ADAMTS6: variants seen among roughly 807,000 people sequenced by gnomAD.
ADAMTS6 encodes the protein ADAM metallopeptidase with thrombospondin type 1 motif 6.
A neutral mutation model predicts 144.3 loss-of-function variants in ADAMTS6; 23 were observed. The ratio of observed to expected loss-of-function variants is 0.16; its 90% CI spans 0.11 to 0.23. The LOEUF is 0.23. Among genes scored for constraint, ADAMTS6 ranks in the 10% least tolerant of loss-of-function variants. The pLI, the probability that ADAMTS6 is intolerant of heterozygous loss-of-function variation, is 1.00. For synonymous variants in ADAMTS6, 444 were observed against 457.5 expected (o/e 0.97, Z 0.38); for missense variants, 999 against 1,379.6 (o/e 0.72, Z 4.37).
rs115340152 is a variant in ADAMTS6, at chr5:65,432,615, T to C, written c.1073+18860A>G. Among the ~76,000 whole-genome samples, 1,096 of 152,238 alleles carry C rather than the reference T, an allele frequency of 7.2e-3. 13 individuals are homozygous for C. Among genetic ancestry groups the C allele is most frequent in the African/African-American group, 0.025 (1,030 of 41,574 alleles). On this transcript the variant is annotated intron_variant, in intron 7 of 24. Coordinates refer to ENST00000381055, the MANE Select transcript of ADAMTS6 (RefSeq NM_197941.4). ...CACTTTTCTGTTTAAATTTCTCCAATGCCACCCATTATGTAAAGTAATTAA... is the reference window on the plus strand; with the variant it reads ...CACTTTTCTGTTTAAATTTCTCCAACGCCACCCATTATGTAAAGTAATTAA...
intron 24 of ADAMTS6, among the ~76,000 whole-genome samples, chr5:65,169,877 G>A (rs1753490667): frequency 7.5e-6 from 1 of 133,702 alleles, no homozygotes; most frequent in Admixed American, 7.8e-5. Context: ...CACACTCTGG[G>A]GACTGTGGTG....
At chr5:65,307,641 A>C (rs941321413) in intron 9 of ADAMTS6, among the ~76,000 whole-genome samples, 1 of 152,214 alleles carries the variant, frequency 6.6e-6, no homozygotes, top group Admixed American at 6.5e-5. Context: ...ATCAGGGACC[A>C]ATTTCATTCA....
At chr5:65,397,931 C>T (rs1015127897) in intron 7 of ADAMTS6, among the ~76,000 whole-genome samples, 2 of 148,896 alleles carry the variant, frequency 1.3e-5, no homozygotes, top group East Asian at 3.9e-4. Flanking sequence ...TTGTTTGGGG[C>T]TTTCCAGTTA....
intron 24 of ADAMTS6, among the ~76,000 whole-genome samples, chr5:65,157,916 T>C (rs1285081511): frequency 1.3e-5 from 2 of 152,246 alleles, no homozygotes; most frequent in African/African-American, 2.4e-5. Context: ...TGAAGCAAGA[T>C]GATATCAGCT....
intron 20 of ADAMTS6, among the ~76,000 whole-genome samples, chr5:65,206,836 T>TCA (rs1369954333): frequency 6.6e-5 from 7 of 105,584 alleles, no homozygotes; most frequent in African/African-American, 8.8e-5. Context: ...TCTCTCTCTC[T>TCA]CTCACACACA....
chr5:65,224,171 T>C (rs995511096), intron 18 of ADAMTS6, 149 bp downstream of exon 18: 11 of 647,482 alleles, frequency 1.7e-5, no homozygotes, highest in African/African-American at 1.5e-4. Context: ...TTTAGCATTG[T>C]ATATGTGTTC....
intron 7 of ADAMTS6, among the ~76,000 whole-genome samples, chr5:65,388,555 T>C (rs760573912): frequency 6.6e-6 from 1 of 152,242 alleles, no homozygotes; most frequent in Non-Finnish European, 1.5e-5. Context: ...CTAAATTTTC[T>C]AGACCTCAAT....
intron 7 of ADAMTS6, among the ~76,000 whole-genome samples, chr5:65,400,391 T>C (rs540566115): frequency 2.6e-5 from 4 of 152,226 alleles, no homozygotes; most frequent in African/African-American, 9.6e-5. Context: ...GTTTTTTGTG[T>C]TGTTGTAGAA....
At chr5:65,263,089 A>T in intron 12 of ADAMTS6, 127 bp from the exon 13 acceptor site, 16 of 1,148,014 alleles carry the variant, frequency 1.4e-5, no homozygotes, top group East Asian at 2.6e-5. Flanking sequence ...TAACAGACAG[A>T]TAGTTCTCTA....
At chr5:65,435,632 AT>A (rs34886866) in intron 7 of ADAMTS6, among the ~76,000 whole-genome samples, 55,110 of 148,966 alleles carry the variant, frequency 0.37, 10,526 homozygotes, top group South Asian at 0.43. Context: ...TTATATTTTA[AT>A]TTTTTTTTTT....
intron 11 of ADAMTS6, among the ~76,000 whole-genome samples, chr5:65,288,318 CTT>C (rs35577398): frequency 6.2e-4 from 85 of 136,106 alleles, no homozygotes; most frequent in South Asian, 9.3e-4. Flanking sequence ...CTTTTCTTTT[CTT>C]TTTTTTTTTT....
chr5:65,258,008 T>C (rs1760836690), intron 14 of ADAMTS6, among the ~76,000 whole-genome samples: 1 of 152,224 alleles, frequency 6.6e-6, no homozygotes, highest in Admixed American at 6.5e-5. Context: ...TAAATAATAC[T>C]GGTAACTCTA....
intron 7 of ADAMTS6, among the ~76,000 whole-genome samples, chr5:65,408,369 C>A (rs1482127345): frequency 2.0e-5 from 3 of 152,102 alleles, no homozygotes; most frequent in African/African-American, 7.2e-5. Flanking sequence ...ATAAAACAGA[C>A]TTTAAACCAA....
At chr5:65,216,723 A>G (rs1756944235) in intron 18 of ADAMTS6, among the ~76,000 whole-genome samples, 1 of 151,942 alleles carries the variant, frequency 6.6e-6, no homozygotes, top group African/African-American at 2.4e-5. Flanking sequence ...ATGACAAAAA[A>G]CTCAGAAAAA....
At chr5:65,242,082 G>A (rs764162564) in intron 15 of ADAMTS6, 22 bp downstream of exon 15, 2 of 1,494,086 alleles carry the variant, frequency 1.3e-6, no homozygotes, top group Non-Finnish European at 1.8e-6. Flanking sequence ...AAGCATGAAT[G>A]CTCTGTCAGG....
At chr5:65,180,812 C>T (rs1754302900) in intron 22 of ADAMTS6, among the ~76,000 whole-genome samples, 1 of 152,172 alleles carries the variant, frequency 6.6e-6, no homozygotes, top group Non-Finnish European at 1.5e-5. Context: ...TCTTGAGGCT[C>T]ATCTCTCTAT....
rs1753771981 is a variant in ADAMTS6 at position 65,399,877 on chromosome 5, G to C, written c.1073+51598C>G. Among the ~76,000 whole-genome samples the C allele has an allele frequency of 2.6e-5, 4 of 151,994 alleles. No individual in the cohort carries two copies. In the South Asian group the frequency reaches 8.3e-4, roughly 31 times the overall value. On this transcript the variant is annotated intron_variant, in intron 7 of 24. Transcript: ENST00000381055. ...ATGATGCTCTTCAATTATTTACATA[G>C]ATCCAAGTTTCTCATCTATATTATT... is the stretch of plus-strand genomic sequence containing the variant.
chr5:65,346,545 GT>G lies in ADAMTS6; in HGVS notation c.1074-12461del, dbSNP rs568222127. Among the ~76,000 whole-genome samples, 12 of 151,778 alleles carry G rather than the reference GT, an allele frequency of 7.9e-5. No individual in the cohort carries two copies. The East Asian group carries it at 2.3e-3, about 29-fold the overall frequency. ...CATACTGAATAAAAAATAGGTGAAA[GT>G]TTTTGTCTCTAAGATTAGAACAGGA... On this transcript the variant is annotated intron_variant, in intron 7 of 24. Transcript: ENST00000381055.
At position 65,379,494 on chromosome 5, in the gene ADAMTS6, T is replaced by C. The variant is rs749962386; in HGVS notation, c.1074-45409A>G. Reference sequence around the variant, plus strand: ...TTTCTCTGCTTTGCCATATAAATTATGTGAGATCTCATCCTAACTTTGTAG... The same window carrying C: ...TTTCTCTGCTTTGCCATATAAATTACGTGAGATCTCATCCTAACTTTGTAG... On this transcript the variant is annotated intron_variant, in intron 7 of 24. Transcript: ENST00000381055. 2.0e-5 allele frequency among the ~76,000 whole-genome samples: 3 copies of C among 152,236 alleles called. No individual in the cohort carries two copies. In the South Asian group the frequency reaches 6.2e-4, roughly 31 times the overall value.
Sources: allele counts gnomAD v4.1 joint callset (sites outside exome capture counted in the v4.1 genomes callset), GRCh38; gene constraint gnomAD v4.1.1; transcripts MANE v1.5; gene names NCBI Gene and HGNC (gene_info 2026-07-23, HGNC 2026-07-21).